CD247: variants seen among roughly 807,000 people sequenced by gnomAD.
CD247 encodes T-cell surface glycoprotein CD3 zeta chain.
In CD247, 13 loss-of-function variants were observed where a neutral mutation model predicts 30.0. The ratio of observed to expected loss-of-function variants is 0.43; its 90% CI spans 0.28 to 0.69. The LOEUF (loss-of-function observed/expected upper bound fraction) is 0.69. CD247 is among the 30% of genes least tolerant of loss of function. The pLI, the probability that CD247 is intolerant of heterozygous loss-of-function variation, is 0.16. For missense variants in CD247, 193 were observed against 212.6 expected (o/e 0.91, Z 0.57); for synonymous variants, 72 against 80.0 (o/e 0.90, Z 0.53).
At chr1:167,469,530 C>T (rs529601938) in intron 1 of CD247, among the ~76,000 whole-genome samples, 4 of 152,320 alleles carry the variant, frequency 2.6e-5, no homozygotes, top group East Asian at 1.9e-4. Flanking sequence ...CTCATTAAGA[C>T]AGTCACGGGC....
At position 167,440,709 on chromosome 1, in the gene CD247, G is replaced by A; in HGVS notation, c.117C>T (p.Leu39=). Residue 39 remains leucine, a synonymous_variant, in exon 2 of 8, where the codon CTC becomes CTT. Coordinates refer to ENST00000362089, the MANE Select transcript of CD247 (RefSeq NM_198053.3). ...CAGTGAGAATGACACCATAGATGAA[G>A]AGGATTCCATCCAGCAGGTAGCAGA... The part of the protein sequence containing the change: ...PKLCYLLDGI[L]FIYGVILTAL... The A allele has an allele frequency of 6.2e-7, 1 of 1,613,888 alleles. No homozygotes were observed.
chr1:167,431,833 C>T, intron 7 of CD247, 87 bp from the exon 8 acceptor site: 1 of 1,127,352 alleles, frequency 8.9e-7, no homozygotes, highest in Non-Finnish European at 1.4e-6. Flanking sequence ...GGTGTCTCTG[C>T]AGCACAGCCC....
chr1:167,474,377 G>A (rs1653659909), intron 1 of CD247, among the ~76,000 whole-genome samples: 1 of 152,086 alleles, frequency 6.6e-6, no homozygotes, highest in Non-Finnish European at 1.5e-5. Flanking sequence ...GCGGTAGTGG[G>A]GTTAGAGGGT....
chr1:167,464,966 C>A (rs186917529), intron 1 of CD247, among the ~76,000 whole-genome samples: 72 of 152,294 alleles, frequency 4.7e-4, no homozygotes, highest in African/African-American at 1.6e-3. Context: ...TTTTAGAGAG[C>A]CACATAGTAT....
At chr1:167,500,363 T>G (rs1654851848) in intron 1 of CD247, among the ~76,000 whole-genome samples, 1 of 152,232 alleles carries the variant, frequency 6.6e-6, no homozygotes. Context: ...ATTTTCATCT[T>G]TCCTTAACAG....
At chr1:167,481,264 G>A (rs1653962963) in intron 1 of CD247, among the ~76,000 whole-genome samples, 1 of 152,212 alleles carries the variant, frequency 6.6e-6, no homozygotes, top group South Asian at 2.1e-4. Context: ...CCCAGGCTGG[G>A]CAACAGAGAG....
intron 1 of CD247, among the ~76,000 whole-genome samples, chr1:167,493,892 G>A (rs985923372): frequency 1.3e-5 from 2 of 152,148 alleles, no homozygotes; most frequent in African/African-American, 2.4e-5. Context: ...ATTCCAGGAA[G>A]CATGTGCCCT....
At chr1:167,440,051 A>T (rs759492134) in intron 2 of CD247, 45 of 164,926 alleles carry the variant, frequency 2.7e-4, no homozygotes, top group Non-Finnish European at 4.4e-4. Flanking sequence ...TTCAAACTTA[A>T]AACAAGAAAC....
chr1:167,470,835 A>G (rs1653484432), intron 1 of CD247, among the ~76,000 whole-genome samples: 1 of 151,224 alleles, frequency 6.6e-6, no homozygotes, highest in East Asian at 1.9e-4. Flanking sequence ...ACATCCTTGA[A>G]CACAAATATT....
intron 2 of CD247, chr1:167,439,751 G>T (rs1018303963): frequency 6.1e-6 from 2 of 326,634 alleles, no homozygotes; most frequent in South Asian, 3.2e-5. Context: ...CCCTTCCTCC[G>T]GGGACTCTGA....
intron 1 of CD247, among the ~76,000 whole-genome samples, chr1:167,469,903 CTTTAT>C (rs746443810): frequency 2.0e-5 from 3 of 151,910 alleles, no homozygotes; most frequent in Admixed American, 6.6e-5. Flanking sequence ...ATTCTCGGTA[CTTTAT>C]TTTATTTTAT....
Position 167,459,045 on chromosome 1 carries a change from G to T in CD247, c.59-18278C>A, listed in dbSNP as rs138587877. Reference sequence around the variant, plus strand: ...AGCTACTCGGGAGGTTGAGGCACAAGAATTGCTTGAAGCTGGGAGGGGGAG... The same window carrying T: ...AGCTACTCGGGAGGTTGAGGCACAATAATTGCTTGAAGCTGGGAGGGGGAG... On this transcript the variant is annotated intron_variant, in intron 1 of 7. Transcript: ENST00000362089. Among the ~76,000 whole-genome samples, 255 of 151,508 alleles carry T rather than the reference G, an allele frequency of 1.7e-3. 1 individual carries two copies. Among genetic ancestry groups the T allele is most frequent in the African/African-American group, 5.7e-3 (235 of 41,312 alleles).
intron 1 of CD247, among the ~76,000 whole-genome samples, chr1:167,516,967 G>T (rs1419557183): frequency 1.3e-5 from 2 of 152,198 alleles, no homozygotes; most frequent in Non-Finnish European, 2.9e-5. Flanking sequence ...ACCCTGAAAG[G>T]TTATATGAGC....
chr1:167,485,879 G>T (rs964104727), intron 1 of CD247, among the ~76,000 whole-genome samples: 5 of 152,296 alleles, frequency 3.3e-5, no homozygotes, highest in South Asian at 2.1e-4. Context: ...GATGTTGGGG[G>T]TGGGGAAAGA....
intron 1 of CD247, among the ~76,000 whole-genome samples, chr1:167,469,494 T>G (rs903026843): frequency 4.6e-5 from 7 of 152,218 alleles, no homozygotes; most frequent in Non-Finnish European, 1.0e-4. Flanking sequence ...AAGTGGTTCT[T>G]GTTGATGTTG....
At chr1:167,441,709 A>T (rs1651839113) in intron 1 of CD247, among the ~76,000 whole-genome samples, 1 of 152,254 alleles carries the variant, frequency 6.6e-6, no homozygotes. Flanking sequence ...TCCTAGTGCC[A>T]TATTAACCTT....
At chr1:167,468,284 T>C (rs1243847025) in intron 1 of CD247, among the ~76,000 whole-genome samples, 1 of 152,218 alleles carries the variant, frequency 6.6e-6, no homozygotes, top group Admixed American at 6.5e-5. Flanking sequence ...AAATATTGAA[T>C]TGACAAAATT....
chr1:167,434,440 T>C lies in CD247; in HGVS notation c.337-364A>G, dbSNP rs115925455. ...CATTTATCTGAGCAAGTTGTCTCTTTACACAGCCAAACGGGCTGTAGATCA... is the reference window on the plus strand; with the variant it reads ...CATTTATCTGAGCAAGTTGTCTCTTCACACAGCCAAACGGGCTGTAGATCA... On this transcript the variant is annotated intron_variant, in intron 5 of 7. Transcript: ENST00000362089. 528 of 369,128 alleles carry C rather than the reference T, an allele frequency of 1.4e-3. 1 individual carries two copies. The highest frequency in any genetic ancestry group is 0.01 in the African/African-American group (495 of 47,548). 22.9% of individuals were successfully genotyped at this position (369,128 alleles called of 1,614,324 possible).
chr1:167,478,537 T>C (rs1653846572), intron 1 of CD247, among the ~76,000 whole-genome samples: 2 of 152,140 alleles, frequency 1.3e-5, no homozygotes, highest in African/African-American at 2.4e-5. Context: ...ACGGGTCAGA[T>C]TGGTAGAAGG....
Sources: gnomAD v4.1 joint callset for allele counts (sites outside exome capture counted in the v4.1 genomes callset) on GRCh38, gnomAD v4.1.1 for gene constraint, MANE v1.5 for transcripts, NCBI Gene and HGNC (gene_info 2026-07-23, HGNC 2026-07-21) for gene names.